BTD: variants seen among roughly 807,000 people sequenced by gnomAD.
BTD encodes biocytinase.
In BTD, 13 loss-of-function variants were observed where a neutral mutation model predicts 17.7. That is an observed-to-expected ratio of 0.74 (90% CI 0.48 to 1.17). The LOEUF (loss-of-function observed/expected upper bound fraction) is 1.17. BTD is among the 50% of genes most tolerant of loss of function. The pLI, the probability that BTD is intolerant of heterozygous loss-of-function variation, is 0.00. For synonymous variants in BTD, 240 were observed against 245.2 expected, an observed-to-expected ratio of 0.98 and a Z score of 0.20; for missense variants, 674 against 650.4, an observed-to-expected ratio of 1.04 and a Z score of -0.39.
At chr3:15,686,465 G>A (rs2068142784) in intron 3 of BTD, 3 of 642,756 alleles carry the variant, frequency 4.7e-6, no homozygotes, top group Non-Finnish European at 2.7e-6. Context: ...AGGTTTCTAC[G>A]GCCTTTGACT....
chr3:15,644,856 ATT>A lies in BTD; in HGVS notation c.941_942del (p.Ile314SerfsTer19), dbSNP rs749162799. 1.9e-6 allele frequency: 3 copies of A among 1,614,140 alleles called. No individual in the cohort carries two copies. The East Asian group carries it at 6.7e-5, about 36-fold the overall frequency. On this transcript the variant is annotated frameshift_variant, in exon 4 of 4. Coordinates refer to ENST00000643237, the MANE Select transcript of BTD (RefSeq NM_001370658.1). LOFTEE classifies it low-confidence loss of function (END_TRUNC). Reference sequence around the variant, plus strand: ...GGAAAATCCCAAAAGTCACCTTATAATTGCCCAGGTGGCCAAAAATCCAGTGG... The same window carrying A: ...GGAAAATCCCAAAAGTCACCTTATAAGCCCAGGTGGCCAAAAATCCAGTGG... ...DMENPKSHLI[I>X]AQVAKNPVGL...
chr3:15,605,028 T>C (rs2064403476), intron 1 of BTD, among the ~76,000 whole-genome samples: 1 of 152,220 alleles, frequency 6.6e-6, no homozygotes. Context: ...TCCAAACTGT[T>C]CCAACTTCTG....
intron 3 of BTD, among the ~76,000 whole-genome samples, chr3:15,690,459 T>C (rs2068641226): frequency 6.6e-6 from 1 of 152,232 alleles, no homozygotes; most frequent in Non-Finnish European, 1.5e-5. Flanking sequence ...TGACAGGTCA[T>C]CTTTTCATGA....
intron 3 of BTD, 77 bp downstream of exon 3, chr3:15,642,134 G>A: frequency 6.3e-7 from 1 of 1,586,570 alleles, no homozygotes; most frequent in Middle Eastern, 1.7e-4. Flanking sequence ...GCTGTGACAT[G>A]TTAACTAAGA....
Position 15,642,518 on chromosome 3 carries a change from G to A in BTD, c.399+461G>A, listed in dbSNP as rs182682131. ...CACCCAGGCTGGAGCGCAGTGGCGC[G>A]ATCTCAGCTCACTGCAAGCTCTGCC... On this transcript the variant is annotated intron_variant, in intron 3 of 3. Coordinates refer to ENST00000643237, the MANE Select transcript of BTD (RefSeq NM_001370658.1). Among the ~76,000 whole-genome samples, 41 of 148,726 alleles carry A rather than the reference G, an allele frequency of 2.8e-4. No homozygotes were observed. The East Asian group carries it at 7.4e-3, about 27-fold the overall frequency.
Position 15,649,081 on chromosome 3 carries a change from C to T in BTD, c.*3593C>T, listed in dbSNP as rs778239430. 3.3e-5 allele frequency among the ~76,000 whole-genome samples: 5 copies of T among 152,196 alleles called. No individual in the cohort carries two copies. The highest frequency in any genetic ancestry group is 4.4e-5 in the Non-Finnish European group (3 of 68,042). On this transcript the variant is annotated 3_prime_UTR_variant, in exon 4 of 4. Coordinates refer to ENST00000643237, the MANE Select transcript of BTD (RefSeq NM_001370658.1). ...ACAATAAGTTTCTGTTGTTTGAAGC[C>T]ACCCAGTTCAGGGTACTTTGATATG...
chr3:15,702,659 T>C (rs10510442), intron 3 of BTD, among the ~76,000 whole-genome samples: 3,782 of 152,236 alleles, frequency 0.025, 167 homozygotes, highest in African/African-American at 0.084. Context: ...TTTTGAGTTC[T>C]GAGGCAAGTT....
At chr3:15,618,498 C>T (rs34655059) in intron 1 of BTD, among the ~76,000 whole-genome samples, 4,869 of 152,046 alleles carry the variant, frequency 0.032, 260 homozygotes, top group African/African-American at 0.11. Flanking sequence ...ATGTAGGGTA[C>T]GAATATAAAT....
Position 15,644,499 on chromosome 3 carries a change from C to G in BTD, c.583C>G (p.Leu195Val), listed in dbSNP as rs190386869. The G allele has an allele frequency of 1.2e-6, 2 of 1,614,168 alleles. No homozygotes were observed. Among genetic ancestry groups the G allele is most frequent in the East Asian group, 4.5e-5 (2 of 44,894 alleles). Reference sequence around the variant, plus strand: ...TGTTGACCGCTACCGTAAACACAACCTCTACTTTGAGGCAGCATTCGATGT... The same window carrying G: ...TGTTGACCGCTACCGTAAACACAACGTCTACTTTGAGGCAGCATTCGATGT... ...TLVDRYRKHNLYFEAAFDVPL... is the reference protein window; with the variant it reads ...TLVDRYRKHNVYFEAAFDVPL... Residue 195 changes from leucine (L) to valine (V), a missense_variant, in exon 4 of 4, where the codon CTC becomes GTC. Transcript: ENST00000643237.
chr3:15,661,213 T>C (rs9875263), intron 3 of BTD, among the ~76,000 whole-genome samples: 5,477 of 142,488 alleles, frequency 0.038, 284 homozygotes, highest in African/African-American at 0.12. Context: ...CTGCAGTGGG[T>C]TGAGATCATG....
Position 15,650,516 on chromosome 3 carries a change from G to T in BTD, c.*5028G>T, listed in dbSNP as rs550204612. ...TCTTCAGCCATTGCTGAATCTAGGG[G>T]CTCAAATGGTGTCTCTGGACACAGT... On this transcript the variant is annotated 3_prime_UTR_variant, in exon 4 of 4. Transcript: ENST00000643237. 1.9e-3 allele frequency among the ~76,000 whole-genome samples: 294 copies of T among 151,962 alleles called. No homozygotes were observed. Among genetic ancestry groups the T allele is most frequent in the Non-Finnish European group, 3.7e-3 (252 of 67,986 alleles).
At position 15,650,747 on chromosome 3, in the gene BTD, C is replaced by T. The variant is rs967826347; in HGVS notation, c.*5259C>T. On this transcript the variant is annotated 3_prime_UTR_variant, in exon 4 of 4. Coordinates refer to ENST00000643237, the MANE Select transcript of BTD (RefSeq NM_001370658.1). ...CTTAGGGCACGTGCCCATCCTGAAT[C>T]AATGATCGGCCAGAGAGCTGTGATA... Among the ~76,000 whole-genome samples, 3 of 152,116 alleles carry T rather than the reference C, an allele frequency of 2.0e-5. No individual in the cohort carries two copies. The highest frequency in any genetic ancestry group is 2.0e-4 in the Admixed American group (3 of 15,268).
Position 15,678,352 on chromosome 3 carries a change from G to A in BTD, c.400-31708G>A, listed in dbSNP as rs1223654217. The A allele has an allele frequency of 1.3e-6, 2 of 1,588,690 alleles. No homozygotes were observed. Among genetic ancestry groups the A allele is most frequent in the Admixed American group, 1.9e-5 (1 of 53,942 alleles). ...TGTGAAGGCGGCTGCATGGAGAGGAGTTCTGTGATAAAGAAAAATTGAAAT... is the reference window on the plus strand; with the variant it reads ...TGTGAAGGCGGCTGCATGGAGAGGAATTCTGTGATAAAGAAAAATTGAAAT... On this transcript the variant is annotated intron_variant, in intron 3 of 3. Transcript: ENST00000672141.
chr3:15,601,702 C>T (rs1168732749), upstream of BTD: 1 of 1,560,078 alleles, frequency 6.4e-7, no homozygotes, highest in Non-Finnish European at 8.7e-7. Context: ...CTTCTCGGCT[C>T]CTCCATTCGC....
intron 1 of BTD, among the ~76,000 whole-genome samples, chr3:15,625,813 C>G (rs888169456): frequency 6.6e-6 from 1 of 152,218 alleles, no homozygotes; most frequent in Non-Finnish European, 1.5e-5. Context: ...CCTCGGCCTC[C>G]CAAAGTGCTG....
intron 3 of BTD, among the ~76,000 whole-genome samples, chr3:15,702,487 A>G (rs561596797): frequency 5.4e-4 from 82 of 152,350 alleles, no homozygotes; most frequent in African/African-American, 1.8e-3. Context: ...ACAAAATCTG[A>G]AAAAATATTT....
rs762459134 is a variant in BTD, at chr3:15,601,797, C to A, written c.-114C>A. On this transcript the variant is annotated 5_prime_UTR_variant, in exon 1 of 4. Transcript: ENST00000643237. The stretch of plus-strand genomic sequence containing the variant: ...TAAGAAGCCGAACTCTGAGGCCTCT[C>A]GCCATTGTCTCCGAGTCGGCCAGCT... The A allele has an allele frequency of 2.1e-5, 34 of 1,613,820 alleles. No homozygotes were observed. The highest frequency in any genetic ancestry group is 3.3e-4 in the Middle Eastern group (2 of 6,084).
chr3:15,700,087 G>C (rs2125936071), intron 3 of BTD, among the ~76,000 whole-genome samples: 2 of 152,292 alleles, frequency 1.3e-5, no homozygotes, highest in Middle Eastern at 6.8e-3. Flanking sequence ...CCTTTGCAGG[G>C]ACACAGATGA....
At chr3:15,674,196 A>AAAGGAAG (rs1553573256) in intron 3 of BTD, among the ~76,000 whole-genome samples, 5 of 130,080 alleles carry the variant, frequency 3.8e-5, no homozygotes, top group African/African-American at 1.6e-4. Flanking sequence ...AAAAAAAAAA[A>AAAGGAAG]AAGAAGAAGA....
Sources: gnomAD v4.1 joint callset for allele counts (sites outside exome capture counted in the v4.1 genomes callset) on GRCh38, gnomAD v4.1.1 for gene constraint, MANE v1.5 for transcripts, NCBI Gene and HGNC (gene_info 2026-07-23, HGNC 2026-07-21) for gene names.